The following SNX30 variants were observed in gnomAD, a reference collection of about 807,000 sequenced individuals.
The protein encoded by SNX30 is sorting nexin-30.
Under a neutral mutation model 46.4 loss-of-function variants are expected in SNX30, and 24 were observed. That is an observed-to-expected ratio of 0.52 (90% confidence interval 0.37 to 0.73). SNX30 has a LOEUF of 0.73. Among genes scored for constraint, SNX30 ranks in the 30% least tolerant of loss-of-function variants. The pLI is 0.00. For missense variants in SNX30, 533 were observed against 555.7 expected, an observed-to-expected ratio of 0.96 and a Z score of 0.41; for synonymous variants, 189 against 211.5, an observed-to-expected ratio of 0.89 and a Z score of 0.92.
chr9:112,862,965 ATC>A (rs938426752), intron 7 of SNX30, among the ~76,000 whole-genome samples: 2 of 151,936 alleles, frequency 1.3e-5, no homozygotes, highest in Admixed American at 6.6e-5. Flanking sequence ...GTGTCTAGTT[ATC>A]TCTCTCTCCA....
intron 1 of SNX30, among the ~76,000 whole-genome samples, chr9:112,761,507 A>G (rs916127125): frequency 1.3e-5 from 2 of 152,108 alleles, no homozygotes; most frequent in Non-Finnish European, 2.9e-5. Context: ...AGGGCTTGGG[A>G]TGGGGAAAGA....
chr9:112,796,145 A>G (rs1840104541), intron 1 of SNX30, among the ~76,000 whole-genome samples: 1 of 152,232 alleles, frequency 6.6e-6, no homozygotes, highest in African/African-American at 2.4e-5. Flanking sequence ...AAACCAGGCC[A>G]GATTGTGGGA....
At chr9:112,770,196 G>A (rs1035673518) in intron 1 of SNX30, among the ~76,000 whole-genome samples, 2 of 151,964 alleles carry the variant, frequency 1.3e-5, no homozygotes, top group African/African-American at 4.8e-5. Flanking sequence ...TTTTGAGATG[G>A]AGTCTCACTC....
chr9:112,759,222 C>T (rs1050941069), intron 1 of SNX30, among the ~76,000 whole-genome samples: 13 of 152,124 alleles, frequency 8.5e-5, no homozygotes, highest in African/African-American at 2.2e-4. Flanking sequence ...AGAAGGTTTG[C>T]GGCCCTTGCT....
At chr9:112,758,960 C>T (rs966350151) in intron 1 of SNX30, among the ~76,000 whole-genome samples, 5 of 152,210 alleles carry the variant, frequency 3.3e-5, no homozygotes, top group South Asian at 2.1e-4. Context: ...CACACACGCG[C>T]GCACGTGCAC....
intron 4 of SNX30, among the ~76,000 whole-genome samples, chr9:112,831,616 T>C (rs1185833785): frequency 3.9e-5 from 6 of 152,240 alleles, no homozygotes; most frequent in African/African-American, 1.4e-4. Flanking sequence ...TAGGTCTTTG[T>C]GGCTACTGAG....
chr9:112,784,929 G>A (rs978285955), intron 1 of SNX30, among the ~76,000 whole-genome samples: 2 of 152,162 alleles, frequency 1.3e-5, no homozygotes, highest in Non-Finnish European at 2.9e-5. Context: ...ATCTAGAATA[G>A]CACCTAGCAG....
At chr9:112,794,235 C>T (rs1429617650) in intron 1 of SNX30, among the ~76,000 whole-genome samples, 8 of 151,994 alleles carry the variant, frequency 5.3e-5, no homozygotes, top group South Asian at 2.1e-4. Flanking sequence ...TCACTGCACC[C>T]GCCGCCTCCC....
At chr9:112,751,238 C>T (rs1839271212) in intron 1 of SNX30, 81 bp downstream of exon 1, 2 of 1,290,010 alleles carry the variant, frequency 1.6e-6, no homozygotes, top group Middle Eastern at 2.6e-4. Flanking sequence ...CTTCGTGGGC[C>T]TGGGGCCGCG....
downstream of SNX30, among the ~76,000 whole-genome samples, chr9:112,883,039 A>T (rs1291376762): frequency 6.6e-6 from 1 of 152,188 alleles, no homozygotes; most frequent in African/African-American, 2.4e-5. Context: ...GTCGCCAAGA[A>T]ATCATATGAG....
chr9:112,838,205 G>A (rs192224725), intron 5 of SNX30, among the ~76,000 whole-genome samples: 6 of 152,106 alleles, frequency 3.9e-5, no homozygotes, highest in South Asian at 2.1e-4. Flanking sequence ...GGTTATTTTC[G>A]AAGATGTTTG....
intron 1 of SNX30, among the ~76,000 whole-genome samples, chr9:112,792,471 C>T (rs1840042641): frequency 6.6e-6 from 1 of 152,192 alleles, no homozygotes; most frequent in African/African-American, 2.4e-5. Flanking sequence ...GTCGCCCAGC[C>T]TGGAGTACAA....
In SNX30 at chr9:112,768,653, T is replaced by TCTTC. The variant is rs375229219; in HGVS notation, c.156+17496_156+17497insCTTC. 3.5e-3 allele frequency among the ~76,000 whole-genome samples: 278 copies of TCTTC among 79,624 alleles called. 1 individual carries two copies. The highest frequency in any genetic ancestry group is 0.012 in the African/African-American group (257 of 21,938). 52.2% of individuals were successfully genotyped at this position (79,624 alleles called of 152,430 possible). ...CTCTAGATAATTCTTTCTTCTTTTT[T>TCTTC]TTTTTTTTTTTTTTTTTTTTTTGAG... On this transcript the variant is annotated intron_variant, in intron 1 of 8. Coordinates refer to ENST00000374232, the MANE Select transcript of SNX30 (RefSeq NM_001012994.2).
At chr9:112,831,034 A>T in intron 4 of SNX30, 151 bp downstream of exon 4, 3 of 701,692 alleles carry the variant, frequency 4.3e-6, no homozygotes, top group Admixed American at 3.6e-5. Context: ...GCTACCTGGG[A>T]GGCTAAGGCA....
chr9:112,787,489 G>A (rs111450750), intron 1 of SNX30, among the ~76,000 whole-genome samples: 68 of 152,184 alleles, frequency 4.5e-4, no homozygotes, highest in Non-Finnish European at 6.8e-4. Flanking sequence ...ATACTAGAGG[G>A]CAGTTTGAAT....
In SNX30 at chr9:112,751,131, C is replaced by T; in HGVS notation, c.130C>T (p.Leu44=). Reference sequence around the variant, plus strand: ...TGACAGCACGCCCAGCCCGGACCTGCTGATGGCCCGCAGCTTCGGTGACAA... The same window carrying T: ...TGACAGCACGCCCAGCCCGGACCTGTTGATGGCCCGCAGCTTCGGTGACAA... The part of the protein sequence containing the change: ...GGDSTPSPDL[L]MARSFGDKDL... Residue 44 remains leucine (L), a synonymous_variant, in exon 1 of 9, where the codon CTG becomes TTG. Transcript: ENST00000374232. 2 of 1,501,922 alleles carry T rather than the reference C, an allele frequency of 1.3e-6. No individual in the cohort carries two copies. Among genetic ancestry groups the T allele is most frequent in the Admixed American group, 2.1e-5 (1 of 46,748 alleles). The allele number at this position is 1,501,922 out of a possible 1,614,324, so 93.0% of individuals were successfully genotyped here. A position where few individuals can be genotyped will look rare whatever the true frequency, so the allele number is the denominator to read the frequency against.
At chr9:112,784,979 C>G (rs539367209) in intron 1 of SNX30, among the ~76,000 whole-genome samples, 1 of 152,222 alleles carries the variant, frequency 6.6e-6, no homozygotes, top group South Asian at 2.1e-4. Context: ...AATACATAAG[C>G]GAACAGATTT....
At chr9:112,762,784 G>A (rs1839465607) in intron 1 of SNX30, among the ~76,000 whole-genome samples, 1 of 152,230 alleles carries the variant, frequency 6.6e-6, no homozygotes, top group Admixed American at 6.5e-5. Flanking sequence ...GGAAGGGAAG[G>A]CAATCAGCAG....
chr9:112,817,401 C>CTTTTTTTTTTTTT (rs56856142), intron 2 of SNX30, among the ~76,000 whole-genome samples: 565 of 46,836 alleles, frequency 0.012, 132 homozygotes, highest in East Asian at 0.038. Context: ...AAAAAACTGG[C>CTTTTTTTTTTTTT]TTTTTTTTTT....
Sources: allele counts gnomAD v4.1 joint callset (sites outside exome capture counted in the v4.1 genomes callset), GRCh38; gene constraint gnomAD v4.1.1; transcripts MANE v1.5; gene names NCBI Gene and HGNC (gene_info 2026-07-23, HGNC 2026-07-21).